Variants in PDS5B observed in about 807,000 individuals in gnomAD.
PDS5B encodes sister chromatid cohesion protein PDS5 homolog B.
In PDS5B, 51 loss-of-function variants were observed where a neutral mutation model predicts 184.1. The observed-to-expected ratio is 0.28, with a 90% CI of 0.22 to 0.35. PDS5B has a LOEUF of 0.35. Ranked by LOEUF, PDS5B falls within the 10% of genes least tolerant of loss-of-function variation. PDS5B has a pLI of 1.00. For synonymous variants in PDS5B, 566 were observed against 569.2 expected (o/e 0.99, Z 0.08); for missense variants, 1,180 against 1,723.3 (o/e 0.68, Z 5.58).
At chr13:32,696,214 A>C (rs9315177) in intron 14 of PDS5B, among the ~76,000 whole-genome samples, 56,289 of 151,904 alleles carry the variant, frequency 0.37, 11,042 homozygotes, top group Non-Finnish European at 0.44. Context: ...CAGTACTTTA[A>C]ATACACTTGC....
chr13:32,622,670 C>T (rs79734403), intron 1 of PDS5B, among the ~76,000 whole-genome samples: 1,543 of 152,118 alleles, frequency 0.01, 13 homozygotes, highest in African/African-American at 0.026. Context: ...TTTGTCCCTC[C>T]GGGTCTATCA....
intron 1 of PDS5B, among the ~76,000 whole-genome samples, chr13:32,631,441 G>A (rs537463395): frequency 6.6e-6 from 1 of 152,096 alleles, no homozygotes. Context: ...ATTGACATTT[G>A]TTGTCTGTTT....
chr13:32,718,402 G>A (rs1952556359), intron 19 of PDS5B, among the ~76,000 whole-genome samples: 1 of 152,044 alleles, frequency 6.6e-6, no homozygotes, highest in Non-Finnish European at 1.5e-5. Flanking sequence ...CGCCTGCCTC[G>A]GCCTCCCAAG....
rs1954998617 is a variant in PDS5B at position 32,777,832 on chromosome 13, C to G, written c.*2780C>G. The G allele has an allele frequency of 6.6e-6, 1 of 152,322 alleles. No homozygotes were observed. Among genetic ancestry groups the G allele is most frequent in the Non-Finnish European group, 1.5e-5 (1 of 67,830 alleles). The allele number at this position is 152,322 out of a possible 1,614,324, so 9.4% of individuals were successfully genotyped here. On this transcript the variant is annotated 3_prime_UTR_variant, in exon 35 of 35. Transcript: ENST00000315596. Reference sequence around the variant, plus strand: ...CTATATCTTCTTATAACTTGTAAGTCTGATTTTTAAGATTTCCTTTTGTCC... The same window carrying G: ...CTATATCTTCTTATAACTTGTAAGTGTGATTTTTAAGATTTCCTTTTGTCC...
In PDS5B at chr13:32,735,162, T is replaced by C; in HGVS notation, c.2248-10T>C. 2 of 1,525,226 alleles carry C rather than the reference T, an allele frequency of 1.3e-6. No homozygotes were observed. Among genetic ancestry groups the C allele is most frequent in the Non-Finnish European group, 1.8e-6 (2 of 1,135,210 alleles). The allele number at this position is 1,525,226 out of a possible 1,614,324, so 94.5% of individuals were successfully genotyped here. ...AGAGTTGAAATATATTTTCCTCCCC[T>C]CATTTTCAGCCTCTGCATAAGAGCC... On this transcript the variant is annotated splice_polypyrimidine_tract_variant and intron_variant, in intron 20 of 34. Transcript: ENST00000315596.
chr13:32,664,488 A>T (rs1394034177), intron 6 of PDS5B, among the ~76,000 whole-genome samples: 1 of 152,190 alleles, frequency 6.6e-6, no homozygotes, highest in Non-Finnish European at 1.5e-5. Flanking sequence ...ACATATGTTG[A>T]GAGATTTACT....
chr13:32,670,132 T>C (rs1488136267), intron 7 of PDS5B, among the ~76,000 whole-genome samples: 1 of 57,118 alleles, frequency 1.8e-5, no homozygotes, highest in South Asian at 3.7e-4. Context: ...AGACACATTC[T>C]TTTTTTTTTT....
intron 8 of PDS5B, among the ~76,000 whole-genome samples, chr13:32,674,088 C>G (rs1593395487): frequency 6.6e-6 from 1 of 152,154 alleles, no homozygotes; most frequent in South Asian, 2.1e-4. Context: ...GTTGACATTA[C>G]AGGCATAAAC....
intron 1 of PDS5B, among the ~76,000 whole-genome samples, chr13:32,607,890 G>A (rs1037786977): frequency 2.6e-5 from 4 of 152,194 alleles, no homozygotes; most frequent in Non-Finnish European, 5.9e-5. Context: ...CTGGTGTGCC[G>A]TTTGCTAAGA....
Position 32,770,518 on chromosome 13 carries a change from C to T in PDS5B, c.4022C>T (p.Ser1341Phe). ...ERQSGNTEQK[S>F]KSKQHRVSRR... The stretch of plus-strand genomic sequence containing the variant: ...CAAAGTGGAAATACGGAACAGAAGT[C>T]CAAAAGCAAACAGCACCGAGTGTCA... The change falls in exon 32 of 35, where the codon TCC becomes TTC. Residue 1341 changes from serine (S) to phenylalanine (F), a missense_variant. By Grantham distance (155) the Ser-to-Phe change is radical (BLOSUM62 -2). Coordinates refer to ENST00000315596, the MANE Select transcript of PDS5B (RefSeq NM_015032.4). 3 of 1,609,818 alleles carry T rather than the reference C, an allele frequency of 1.9e-6. No homozygotes were observed. Among genetic ancestry groups the T allele is most frequent in the Non-Finnish European group, 2.5e-6 (3 of 1,179,052 alleles).
intron 17 of PDS5B, among the ~76,000 whole-genome samples, chr13:32,702,574 A>T (rs566573682): frequency 1.3e-5 from 2 of 152,198 alleles, no homozygotes; most frequent in South Asian, 2.1e-4. Flanking sequence ...TTGAAAGAGG[A>T]TATCTCTAAG....
rs370414712 is a variant in PDS5B, at chr13:32,658,421, A to T, written c.400-13A>T. 1.3e-5 allele frequency: 19 copies of T among 1,510,332 alleles called. No individual in the cohort carries two copies. Among genetic ancestry groups the T allele is most frequent in the Middle Eastern group, 3.6e-4 (2 of 5,488 alleles). 93.6% of individuals were successfully genotyped at this position (1,510,332 alleles called of 1,614,324 possible). On this transcript the variant is annotated splice_polypyrimidine_tract_variant and intron_variant, in intron 4 of 34. Coordinates refer to ENST00000315596, the MANE Select transcript of PDS5B (RefSeq NM_015032.4). ...AAATGCTTAACTTTCACTTTTTTAC[A>T]CCTTATTTTTAGAACATTGCTTGGG...
Position 32,606,615 on chromosome 13 carries a change from C to T in PDS5B, c.-20+20022C>T, listed in dbSNP as rs140591507. ...TTTCCTGAATTTGAATGTTGGCCTG[C>T]CTCGCTAGGTTGGGGAAGTTCTCCT... is the stretch of plus-strand genomic sequence containing the variant. On this transcript the variant is annotated intron_variant, in intron 1 of 34. Transcript: ENST00000315596. Among the ~76,000 whole-genome samples the T allele has an allele frequency of 4.1e-3, 623 of 152,262 alleles. 3 individuals carry two copies. The highest frequency in any genetic ancestry group is 0.027 in the South Asian group (130 of 4,830).
Position 32,770,441 on chromosome 13 carries a change from C to CA in PDS5B, c.3954dup (p.Ser1319IlefsTer42), listed in dbSNP as rs747131399. 7.5e-6 allele frequency: 12 copies of CA among 1,602,022 alleles called. No individual in the cohort carries two copies. The highest frequency in any genetic ancestry group is 3.4e-5 in the Admixed American group (2 of 58,864). On this transcript the variant is annotated frameshift_variant, in exon 32 of 35. Coordinates refer to ENST00000315596, the MANE Select transcript of PDS5B (RefSeq NM_015032.4). LOFTEE classifies it high-confidence loss of function. Reference sequence around the variant, plus strand: ...CAATGAAAACTTCTAAAAAAGGAAGCAAAAAAAAATCTGGACCTCCAGCAC... The same window carrying CA: ...CAATGAAAACTTCTAAAAAAGGAAGCAAAAAAAAAATCTGGACCTCCAGCAC...
chr13:32,645,992 G>GGGTGTGTGGTGTGTGGTGTGT (rs138850221), intron 1 of PDS5B, among the ~76,000 whole-genome samples: 2 of 150,294 alleles, frequency 1.3e-5, no homozygotes, highest in East Asian at 3.9e-4. Context: ...GTGGGTGTGT[G>GGGTGTGTGGTGTGTGGTGTGT]GGTGTGTGGT....
At chr13:32,693,551 AAAAC>A (rs1183763139) in intron 13 of PDS5B, among the ~76,000 whole-genome samples, 1 of 151,700 alleles carries the variant, frequency 6.6e-6, no homozygotes, top group Non-Finnish European at 1.5e-5. Context: ...AGAATAATTG[AAAAC>A]AAACTGATGA....
chr13:32,635,490 C>T lies in PDS5B; in HGVS notation c.-19-13264C>T, dbSNP rs147873905. Among the ~76,000 whole-genome samples, 935 of 151,550 alleles carry T rather than the reference C, an allele frequency of 6.2e-3. 17 individuals carry two copies. The highest frequency in any genetic ancestry group is 0.022 in the African/African-American group (902 of 41,286). ...TCCGAGGTAGCTGGGATTACAGGTG[C>T]GTACCACCACGCCCAGCTAATTTTT... On this transcript the variant is annotated intron_variant, in intron 1 of 34. Coordinates refer to ENST00000315596, the MANE Select transcript of PDS5B (RefSeq NM_015032.4).
At chr13:32,686,972 G>GT (rs549092265) in intron 11 of PDS5B, among the ~76,000 whole-genome samples, 162 bp from the exon 12 acceptor site, 33 of 150,468 alleles carry the variant, frequency 2.2e-4, no homozygotes, top group Admixed American at 4.0e-4. Context: ...TGATAGTTGT[G>GT]TTTTTTTTTA....
intron 2 of PDS5B, 49 bp downstream of exon 2, chr13:32,648,929 C>G: frequency 1.2e-6 from 1 of 856,300 alleles, no homozygotes; most frequent in Non-Finnish European, 2.0e-6. Context: ...CAGAGGTCCC[C>G]TGTGGAAATC....
Sources: gnomAD v4.1 joint callset for allele counts (sites outside exome capture counted in the v4.1 genomes callset) on GRCh38, gnomAD v4.1.1 for gene constraint, MANE v1.5 for transcripts, NCBI Gene and HGNC (gene_info 2026-07-23, HGNC 2026-07-21) for gene names.